Variants in BTBD10 observed in about 807,000 individuals in gnomAD.
The protein encoded by BTBD10 is BTB/POZ domain-containing protein 10.
A neutral mutation model predicts 53.2 loss-of-function variants in BTBD10; 21 were observed. That is an observed-to-expected ratio of 0.39 (90% CI 0.28 to 0.57). The LOEUF (loss-of-function observed/expected upper bound fraction) is 0.57. Among genes scored for constraint, BTBD10 ranks in the 20% least tolerant of loss-of-function variants. The pLI, the probability that BTBD10 is intolerant of heterozygous loss-of-function variation, is 0.53. For synonymous variants in BTBD10, 149 were observed against 192.7 expected, an observed-to-expected ratio of 0.77 and a Z score of 1.88; for missense variants, 360 against 594.7, an observed-to-expected ratio of 0.61 and a Z score of 4.10.
intron 1 of BTBD10, among the ~76,000 whole-genome samples, chr11:13,453,448 T>C (rs943182886): frequency 3.9e-5 from 6 of 152,230 alleles, no homozygotes; most frequent in Non-Finnish European, 5.9e-5. Context: ...TATCCCTTCA[T>C]ACTACTTGAA....
chr11:13,459,638 T>C (rs1294049469), intron 1 of BTBD10: 1 of 152,172 alleles, frequency 6.6e-6, no homozygotes, highest in Admixed American at 6.5e-5. Flanking sequence ...CAAAAACCCT[T>C]ATTACTTCAA....
chr11:13,413,748 A>G (rs576466570), intron 5 of BTBD10, 98 bp from the exon 6 acceptor site: 1 of 1,181,862 alleles, frequency 8.5e-7, no homozygotes, highest in East Asian at 2.6e-5. Context: ...CAGAAACAGT[A>G]GAGAACTCTG....
chr11:13,420,239 C>A (rs1950216736), intron 3 of BTBD10, among the ~76,000 whole-genome samples: 2 of 151,690 alleles, frequency 1.3e-5, no homozygotes, highest in South Asian at 2.1e-4. Context: ...ATTCTAAAAC[C>A]AGCAATTTAT....
At chr11:13,423,292 T>C (rs1950277610) in intron 2 of BTBD10, among the ~76,000 whole-genome samples, 1 of 152,246 alleles carries the variant, frequency 6.6e-6, no homozygotes, top group Admixed American at 6.5e-5. Flanking sequence ...AAAATTGTCC[T>C]CTAATGCTTA....
chr11:13,438,210 G>A (rs1043561471), intron 2 of BTBD10, among the ~76,000 whole-genome samples: 1 of 151,936 alleles, frequency 6.6e-6, no homozygotes, highest in African/African-American at 2.4e-5. Context: ...CAGTTCATCT[G>A]AGCTCTAGTT....
chr11:13,445,283 G>A (rs867284207), intron 1 of BTBD10, 102 bp from the exon 2 acceptor site: 3 of 452,720 alleles, frequency 6.6e-6, no homozygotes, highest in Middle Eastern at 7.4e-4. Context: ...TTTTTAAAGT[G>A]ATGAATAGAT....
At chr11:13,393,417 G>T (rs928567770) in intron 8 of BTBD10, among the ~76,000 whole-genome samples, 1 of 152,116 alleles carries the variant, frequency 6.6e-6, no homozygotes, top group African/African-American at 2.4e-5. Context: ...GATTGGTATG[G>T]CAGGGGCATA....
chr11:13,390,282 T>C (rs1400979058), intron 8 of BTBD10, among the ~76,000 whole-genome samples: 1 of 152,196 alleles, frequency 6.6e-6, no homozygotes, highest in African/African-American at 2.4e-5. Context: ...AGAGCTACTT[T>C]TCACTCTGCC....
At chr11:13,420,898 C>T (rs1158938370) in intron 3 of BTBD10, among the ~76,000 whole-genome samples, 1 of 152,142 alleles carries the variant, frequency 6.6e-6, no homozygotes, top group African/African-American at 2.4e-5. Context: ...CTTATAAGTA[C>T]AAGTCTGACT....
intron 7 of BTBD10, among the ~76,000 whole-genome samples, chr11:13,404,382 G>A (rs566827018): frequency 6.6e-5 from 10 of 152,126 alleles, no homozygotes; most frequent in African/African-American, 2.4e-4. Flanking sequence ...ATATTGAAGT[G>A]AAAAGTTCAA....
At chr11:13,430,269 A>G (rs914946038) in intron 2 of BTBD10, among the ~76,000 whole-genome samples, 1 of 152,214 alleles carries the variant, frequency 6.6e-6, no homozygotes, top group Non-Finnish European at 1.5e-5. Flanking sequence ...AAATAAGTAC[A>G]TGAAATGATA....
rs1421024465 is a variant in BTBD10 at position 13,463,128 on chromosome 11, G to T, written c.-94C>A. 1 of 152,540 alleles carries T rather than the reference G, an allele frequency of 6.6e-6. No individual in the cohort carries two copies. The highest frequency in any genetic ancestry group is 2.4e-5 in the African/African-American group (1 of 41,448). The allele number at this position is 152,540 out of a possible 1,614,324, so 9.4% of individuals were successfully genotyped here. A position where few individuals can be genotyped will look rare whatever the true frequency, so the allele number is the denominator to read the frequency against. On this transcript the variant is annotated 5_prime_UTR_variant, in exon 1 of 9. Transcript: ENST00000278174. ...TAGTCCCCCTTCAGTGCCCACACAA[G>T]ATTGGGGCAAAGGCCGGGGCCAGTG... is the stretch of plus-strand genomic sequence containing the variant.
intron 2 of BTBD10, among the ~76,000 whole-genome samples, chr11:13,438,227 A>AT (rs1299603694): frequency 3.3e-5 from 5 of 151,720 alleles, no homozygotes; most frequent in Non-Finnish European, 4.4e-5. Context: ...AGTTTTCCTG[A>AT]TTTTTTGTTT....
intron 2 of BTBD10, among the ~76,000 whole-genome samples, chr11:13,423,810 T>A (rs145918993): frequency 6.6e-6 from 1 of 152,190 alleles, no homozygotes; most frequent in Non-Finnish European, 1.5e-5. Flanking sequence ...GAAGATAAAG[T>A]TGACTTTGTA....
chr11:13,445,796 A>T (rs926107043), intron 1 of BTBD10, among the ~76,000 whole-genome samples: 2 of 152,184 alleles, frequency 1.3e-5, no homozygotes. Context: ...TGAGGCTTGT[A>T]ACTGCTATTT....
chr11:13,462,538 G>A (rs1951122144), intron 1 of BTBD10: 1 of 152,204 alleles, frequency 6.6e-6, no homozygotes, highest in Non-Finnish European at 1.5e-5. Context: ...CATTCCCAAA[G>A]ATAAGGGTGT....
chr11:13,422,885 G>C (rs1950270428), intron 2 of BTBD10, among the ~76,000 whole-genome samples: 1 of 152,246 alleles, frequency 6.6e-6, no homozygotes, highest in South Asian at 2.1e-4. Flanking sequence ...CCAACAGAAA[G>C]AAGCTTCCTC....
At chr11:13,396,474 T>C (rs1397503487) in intron 8 of BTBD10, among the ~76,000 whole-genome samples, 2 of 152,238 alleles carry the variant, frequency 1.3e-5, no homozygotes, top group East Asian at 1.9e-4. Context: ...TATACAATCA[T>C]GTCATCTGCA....
intron 2 of BTBD10, among the ~76,000 whole-genome samples, chr11:13,437,305 C>G (rs1255589043): frequency 1.3e-5 from 2 of 152,124 alleles, no homozygotes; most frequent in African/African-American, 4.8e-5. Context: ...TGCCAACAGC[C>G]ACCCTCAGGT....
Sources: allele counts gnomAD v4.1 joint callset (sites outside exome capture counted in the v4.1 genomes callset), GRCh38; gene constraint gnomAD v4.1.1; transcripts MANE v1.5; gene names NCBI Gene and HGNC (gene_info 2026-07-23, HGNC 2026-07-21).